Variants in PIGU observed in about 807,000 individuals in gnomAD.
PIGU encodes phosphatidylinositol glycan anchor biosynthesis class U.
PIGU carries 24 observed loss-of-function variants against 49.9 expected under a neutral mutation model. The observed-to-expected ratio is 0.48, with a 90% CI of 0.35 to 0.68. The LOEUF is 0.68. PIGU is among the 30% of genes least tolerant of loss of function. The pLI is 0.01. For missense variants in PIGU, 490 were observed against 532.6 expected, an observed-to-expected ratio of 0.92 and a Z score of 0.79; for synonymous variants, 220 against 205.7, an observed-to-expected ratio of 1.07 and a Z score of -0.59.
In PIGU at chr20:34,657,370, G is replaced by A. The variant is rs192792323; in HGVS notation, c.131-126C>T. The A allele has an allele frequency of 2.7e-3, 1,775 of 655,894 alleles. 12 individuals carry two copies. Among genetic ancestry groups the A allele is most frequent in the Non-Finnish European group, 2.3e-3 (861 of 369,288 alleles). 40.6% of individuals were successfully genotyped at this position (655,894 alleles called of 1,614,324 possible). On this transcript the variant is annotated intron_variant, in intron 1 of 11. Transcript: ENST00000217446. ...ACCCCCTTTACCTCATCCCCAGCAA[G>A]TGGCTTTAAGTCTTGAACATTTCTG...
chr20:34,583,358 C>T (rs1407047677), intron 9 of PIGU, among the ~76,000 whole-genome samples: 1 of 152,236 alleles, frequency 6.6e-6, no homozygotes. Flanking sequence ...TCCTGCAGCA[C>T]TGCACAGGGA....
At chr20:34,594,186 A>G (rs1984103257) in intron 7 of PIGU, among the ~76,000 whole-genome samples, 1 of 152,196 alleles carries the variant, frequency 6.6e-6, no homozygotes, top group African/African-American at 2.4e-5. Flanking sequence ...CAAAAAATCA[A>G]TACAAAACAA....
At chr20:34,649,203 T>C (rs1210684270) in intron 2 of PIGU, among the ~76,000 whole-genome samples, 1 of 151,878 alleles carries the variant, frequency 6.6e-6, no homozygotes, top group Admixed American at 6.6e-5. Context: ...ATTACATATG[T>C]TTTTCTTTGA....
intron 2 of PIGU, among the ~76,000 whole-genome samples, chr20:34,654,520 C>A (rs1986649138): frequency 8.8e-6 from 1 of 114,124 alleles, no homozygotes; most frequent in Non-Finnish European, 1.8e-5. Flanking sequence ...TTGTTCCTAA[C>A]CTGTTTCTGC....
intron 1 of PIGU, among the ~76,000 whole-genome samples, chr20:34,672,856 C>CAA (rs35130218): frequency 6.2e-5 from 7 of 113,478 alleles, no homozygotes; most frequent in Non-Finnish European, 1.2e-4. Flanking sequence ...CCCTGTCTCT[C>CAA]AAAAAAAAAA....
intron 1 of PIGU, among the ~76,000 whole-genome samples, chr20:34,668,468 A>ATAAATAAATAAATAAAT (rs1443631275): frequency 1.3e-4 from 17 of 131,360 alleles, no homozygotes; most frequent in East Asian, 6.7e-4. Flanking sequence ...TCTCAAAAAA[A>ATAAATAAATAAATAAAT]AAAAAAAAAA....
intron 6 of PIGU, among the ~76,000 whole-genome samples, chr20:34,617,688 T>C (rs7272827): frequency 2.0e-4 from 30 of 152,218 alleles, no homozygotes; most frequent in Admixed American, 3.3e-4. Flanking sequence ...AGTTAAGACT[T>C]TGGGGGACTG....
chr20:34,620,813 A>AC (rs1985185770), intron 6 of PIGU, among the ~76,000 whole-genome samples: 1 of 137,836 alleles, frequency 7.3e-6, no homozygotes, highest in Non-Finnish European at 1.7e-5. Context: ...AAAAAACAAA[A>AC]AAAAAACAAA....
At chr20:34,660,066 AAAG>A (rs1986884141) in intron 1 of PIGU, among the ~76,000 whole-genome samples, 1 of 150,894 alleles carries the variant, frequency 6.6e-6, no homozygotes, top group Non-Finnish European at 1.5e-5. Flanking sequence ...AAAAAAAAAA[AAAG>A]AACAGCTTTA....
chr20:34,604,991 C>T (rs897865451), intron 7 of PIGU, among the ~76,000 whole-genome samples: 2 of 152,294 alleles, frequency 1.3e-5, no homozygotes, highest in Non-Finnish European at 2.9e-5. Context: ...ACTTCCCAGA[C>T]TGCACCATGA....
In PIGU at chr20:34,663,733, T is replaced by A. The variant is rs1986996680; in HGVS notation, c.131-6489A>T. ...AAAGAGGTTGCTGCGTAATAGCTAT[T>A]AAATCCTTCACTAACAGCTTTACTG... On this transcript the variant is annotated intron_variant, in intron 1 of 11. Coordinates refer to ENST00000217446, the MANE Select transcript of PIGU (RefSeq NM_080476.5). 2.0e-5 allele frequency among the ~76,000 whole-genome samples: 3 copies of A among 152,300 alleles called. No homozygotes were observed. The South Asian group carries it at 6.2e-4, about 32-fold the overall frequency.
rs147475159 is a variant in PIGU, at chr20:34,619,061, A to C, written c.530-2922T>G. 1.6e-3 allele frequency among the ~76,000 whole-genome samples: 251 copies of C among 152,340 alleles called. 2 individuals carry two copies. The highest frequency in any genetic ancestry group is 5.7e-3 in the African/African-American group (235 of 41,578). ...TGTGCTTTATTCTTCAAACCAAGGA[A>C]ACTCACCAGCTAGAACAACCCTAGT... is the stretch of plus-strand genomic sequence containing the variant. On this transcript the variant is annotated intron_variant, in intron 6 of 11. Coordinates refer to ENST00000217446, the MANE Select transcript of PIGU (RefSeq NM_080476.5).
intron 1 of PIGU, among the ~76,000 whole-genome samples, chr20:34,662,396 C>CT (rs34871084): frequency 0.018 from 2,343 of 131,272 alleles, 69 homozygotes; most frequent in Middle Eastern, 0.048. Flanking sequence ...AGCCCTTTGC[C>CT]TTTTTTTTTT....
chr20:34,622,534 A>T (rs1349680501), intron 6 of PIGU, among the ~76,000 whole-genome samples: 1 of 152,106 alleles, frequency 6.6e-6, no homozygotes, highest in Admixed American at 6.5e-5. Context: ...ACAAAAACAA[A>T]AAAAAAGTTA....
At chr20:34,653,481 C>G (rs1986606978) in intron 2 of PIGU, among the ~76,000 whole-genome samples, 1 of 152,118 alleles carries the variant, frequency 6.6e-6, no homozygotes, top group Non-Finnish European at 1.5e-5. Flanking sequence ...TGTATTTTAT[C>G]TCTGGTGATA....
intron 1 of PIGU, among the ~76,000 whole-genome samples, chr20:34,665,348 C>T (rs1242810790): frequency 1.3e-5 from 2 of 150,856 alleles, no homozygotes; most frequent in Non-Finnish European, 3.0e-5. Flanking sequence ...GGACTACAGG[C>T]GCCCGCTACC....
At chr20:34,671,685 C>T (rs1310242723) in intron 1 of PIGU, among the ~76,000 whole-genome samples, 2 of 151,948 alleles carry the variant, frequency 1.3e-5, no homozygotes, top group East Asian at 2.0e-4. Flanking sequence ...TTTGGGAGGC[C>T]AAGGCAGGTG....
At chr20:34,565,585 G>A (rs1277173340) in intron 11 of PIGU, among the ~76,000 whole-genome samples, 1 of 152,010 alleles carries the variant, frequency 6.6e-6, no homozygotes, top group African/African-American at 2.4e-5. Context: ...GTGCCAGTTA[G>A]GACCCCAGAA....
At position 34,645,337 on chromosome 20, in the gene PIGU, G is replaced by A; in HGVS notation, c.196-3C>T. The stretch of plus-strand genomic sequence containing the variant: ...AAGAGGTATATTATTAATGGAGTCT[G>A]CAGAAAAAAAACAGACATGTAAAAA... On this transcript the variant is annotated splice_region_variant and splice_polypyrimidine_tract_variant and intron_variant, in intron 2 of 11. Coordinates refer to ENST00000217446, the MANE Select transcript of PIGU (RefSeq NM_080476.5). 6.4e-7 allele frequency: 1 copy of A among 1,559,894 alleles called. No individual in the cohort carries two copies. Among genetic ancestry groups the A allele is most frequent in the Non-Finnish European group, 8.6e-7 (1 of 1,160,938 alleles).
Sources: allele counts gnomAD v4.1 joint callset (sites outside exome capture counted in the v4.1 genomes callset), GRCh38; gene constraint gnomAD v4.1.1; transcripts MANE v1.5; gene names NCBI Gene and HGNC (gene_info 2026-07-23, HGNC 2026-07-21).